NSG1: variants seen among roughly 807,000 people sequenced by gnomAD.
NSG1 encodes the protein neuronal vesicle trafficking associated 1, also known as neuronal vesicle trafficking-associated protein 1.
A neutral mutation model predicts 19.3 loss-of-function variants in NSG1; 9 were observed. The observed-to-expected ratio is 0.47, with a 90% CI of 0.28 to 0.81. The LOEUF is 0.81. Ranked by LOEUF, NSG1 falls within the 40% of genes least tolerant of loss-of-function variation. The pLI is 0.11. For missense variants in NSG1, 236 were observed against 242.4 expected (o/e 0.97, Z 0.18); for synonymous variants, 104 against 107.0 (o/e 0.97, Z 0.17).
chr4:4,393,857 C>T (rs1392163828), intron 3 of NSG1, among the ~76,000 whole-genome samples: 1 of 152,138 alleles, frequency 6.6e-6, no homozygotes, highest in Non-Finnish European at 1.5e-5. Flanking sequence ...CCATCCCTTC[C>T]ATCTCCTCCC....
chr4:4,419,030 A>T lies in NSG1; in HGVS notation c.*1595A>T, dbSNP rs552456594. On this transcript the variant is annotated 3_prime_UTR_variant, in exon 5 of 5. Transcript: ENST00000621129. The stretch of plus-strand genomic sequence containing the variant: ...ATTTACATGTAACTTCTGACATTTC[A>T]CTCTGTGCAAATAAAGAACATGAGG... 6.6e-6 allele frequency: 1 copy of T among 152,128 alleles called. No individual in the cohort carries two copies. Among genetic ancestry groups the T allele is most frequent in the Non-Finnish European group, 1.5e-5 (1 of 68,048 alleles). 9.4% of individuals were successfully genotyped at this position (152,128 alleles called of 1,614,324 possible).
At chr4:4,415,963 T>C in intron 4 of NSG1, 1 of 630,340 alleles carries the variant, frequency 1.6e-6, no homozygotes, top group East Asian at 2.7e-5. Flanking sequence ...TGTCAGGTGC[T>C]TCCCGACGTC....
In NSG1 at chr4:4,418,410, C is replaced by A. The variant is rs1408715925; in HGVS notation, c.*975C>A. 1 of 147,806 alleles carries A rather than the reference C, an allele frequency of 6.8e-6. No individual in the cohort carries two copies. Among genetic ancestry groups the A allele is most frequent in the Non-Finnish European group, 1.5e-5 (1 of 67,454 alleles). 9.2% of individuals were successfully genotyped at this position (147,806 alleles called of 1,614,324 possible). A position where few individuals can be genotyped will look rare whatever the true frequency, so the allele number is the denominator to read the frequency against. ...AACTGATATCCCTTGATGTGGGAAA[C>A]AGGCAGGAAAGGCTGTGGGGTGGGG... is the stretch of plus-strand genomic sequence containing the variant. On this transcript the variant is annotated 3_prime_UTR_variant, in exon 5 of 5. Coordinates refer to ENST00000621129, the MANE Select transcript of NSG1 (RefSeq NM_014392.5).
At chr4:4,405,617 G>A (rs1723811315) in intron 3 of NSG1, among the ~76,000 whole-genome samples, 1 of 152,182 alleles carries the variant, frequency 6.6e-6, no homozygotes, top group South Asian at 2.1e-4. Context: ...CTTAGGCCAT[G>A]GACCCCATGC....
In NSG1 at chr4:4,418,417, GA is replaced by G. The variant is rs1184686225; in HGVS notation, c.*985del. On this transcript the variant is annotated 3_prime_UTR_variant, in exon 5 of 5. Coordinates refer to ENST00000621129, the MANE Select transcript of NSG1 (RefSeq NM_014392.5). ...ATCCCTTGATGTGGGAAACAGGCAG[GA>G]AAGGCTGTGGGGTGGGGGTGGGGGA... is the stretch of plus-strand genomic sequence containing the variant. The G allele has an allele frequency of 6.7e-6, 1 of 148,334 alleles. No individual in the cohort carries two copies. Among genetic ancestry groups the G allele is most frequent in the Non-Finnish European group, 1.5e-5 (1 of 67,134 alleles). 9.2% of individuals were successfully genotyped at this position (148,334 alleles called of 1,614,324 possible). A position where few individuals can be genotyped will look rare whatever the true frequency, so the allele number is the denominator to read the frequency against.
intron 2 of NSG1, among the ~76,000 whole-genome samples, chr4:4,390,118 A>G (rs1049800101): frequency 6.6e-6 from 1 of 152,148 alleles, no homozygotes; most frequent in East Asian, 1.9e-4. Context: ...TTTCCCATTC[A>G]TTGGCCAGTC....
At chr4:4,396,547 C>G (rs1006864718) in intron 3 of NSG1, among the ~76,000 whole-genome samples, 3 of 152,198 alleles carry the variant, frequency 2.0e-5, no homozygotes, top group African/African-American at 4.8e-5. Flanking sequence ...CAGGAGAGCC[C>G]TCGTTAGTCT....
chr4:4,391,447 A>G, intron 2 of NSG1, 28 bp from the exon 3 acceptor site: 1 of 1,523,726 alleles, frequency 6.6e-7, no homozygotes, highest in East Asian at 2.3e-5. Flanking sequence ...AATGCATCTG[A>G]CTTTTGTTTC....
rs1185744036 is a variant in NSG1 at position 4,409,702 on chromosome 4, C to T, written c.357+19C>T. 2 of 1,594,770 alleles carry T rather than the reference C, an allele frequency of 1.3e-6. No individual in the cohort carries two copies. The highest frequency in any genetic ancestry group is 1.7e-6 in the Non-Finnish European group (2 of 1,162,444). Reference sequence around the variant, plus strand: ...CCTCAAGGTAAAACTCCGTTTTCCCCCAGAGGCCCTGGGACGCCTTTGCAC... The same window carrying T: ...CCTCAAGGTAAAACTCCGTTTTCCCTCAGAGGCCCTGGGACGCCTTTGCAC... On this transcript the variant is annotated intron_variant, in intron 4 of 4. Transcript: ENST00000621129.
chr4:4,387,537 G>A (rs1410726169), intron 1 of NSG1, 67 bp from the exon 2 acceptor site: 6 of 1,026,766 alleles, frequency 5.8e-6, no homozygotes, highest in Non-Finnish European at 8.6e-6. Flanking sequence ...GGGTGTGGGT[G>A]CCCACTTCCC....
rs748726736 is a variant in NSG1, at chr4:4,387,592, C to T, written c.-26-12C>T. On this transcript the variant is annotated splice_polypyrimidine_tract_variant and intron_variant, in intron 1 of 4. Transcript: ENST00000621129. ...TTGCTTGTGGTGACTCCCCCCGGCCCTCCCGCCGCAGGCTGCAGCCTCGGA... is the reference window on the plus strand; with the variant it reads ...TTGCTTGTGGTGACTCCCCCCGGCCTTCCCGCCGCAGGCTGCAGCCTCGGA... 6 of 1,595,572 alleles carry T rather than the reference C, an allele frequency of 3.8e-6. No homozygotes were observed. In the African/African-American group the frequency reaches 8.1e-5, roughly 21 times the overall value.
chr4:4,416,478 A>C (rs890288693), intron 4 of NSG1, among the ~76,000 whole-genome samples: 5 of 152,170 alleles, frequency 3.3e-5, no homozygotes, highest in Non-Finnish European at 7.4e-5. Context: ...ACCTGCCTTA[A>C]GCCCGTGGAG....
At chr4:4,395,642 C>T (rs1723214217) in intron 3 of NSG1, among the ~76,000 whole-genome samples, 1 of 152,056 alleles carries the variant, frequency 6.6e-6, no homozygotes, top group South Asian at 2.1e-4. Flanking sequence ...GGCTTGTGTA[C>T]CCCCCTGCCA....
At chr4:4,416,011 G>T in intron 4 of NSG1, 1 of 685,830 alleles carries the variant, frequency 1.5e-6, no homozygotes, top group Non-Finnish European at 2.7e-6. Context: ...TGATAAAAGG[G>T]CTGTACTTCA....
intron 3 of NSG1, among the ~76,000 whole-genome samples, chr4:4,395,629 C>T (rs1340420966): frequency 1.3e-5 from 2 of 152,082 alleles, no homozygotes; most frequent in African/African-American, 4.8e-5. Context: ...ATTCACCCTC[C>T]CTGGCTTGTG....
chr4:4,387,561 C>CGGGGGTGGGGGGGGG, intron 1 of NSG1, 43 bp from the exon 2 acceptor site: 3 of 1,141,986 alleles, frequency 2.6e-6, no homozygotes, highest in Non-Finnish European at 3.7e-6. Flanking sequence ...CGCCCCGCCC[C>CGGGGGTGGGGGGGGG]GGGTCTTGCT....
intron 4 of NSG1, among the ~76,000 whole-genome samples, chr4:4,411,500 T>C (rs543381296): frequency 6.6e-6 from 1 of 152,134 alleles, no homozygotes; most frequent in South Asian, 2.1e-4. Flanking sequence ...TCCCAGCACT[T>C]TGGGAGGCCT....
At chr4:4,410,339 G>C (rs1724107032) in intron 4 of NSG1, among the ~76,000 whole-genome samples, 1 of 152,246 alleles carries the variant, frequency 6.6e-6, no homozygotes, top group Non-Finnish European at 1.5e-5. Context: ...AGGGTGGAAA[G>C]AGAAGACGGA....
chr4:4,416,402 A>G (rs187107773), intron 4 of NSG1, among the ~76,000 whole-genome samples: 1 of 152,328 alleles, frequency 6.6e-6, no homozygotes, highest in East Asian at 1.9e-4. Context: ...TCAGGGTTCA[A>G]TGAGCTGGTA....
Sources: gnomAD v4.1 joint callset for allele counts (sites outside exome capture counted in the v4.1 genomes callset) on GRCh38, gnomAD v4.1.1 for gene constraint, MANE v1.5 for transcripts, NCBI Gene and HGNC (gene_info 2026-07-23, HGNC 2026-07-21) for gene names.